The following NSDHL variants were observed in gnomAD, a reference collection of about 807,000 sequenced individuals.
NSDHL encodes NAD(P) dependent 3-beta-hydroxysteroid dehydrogenase NSDHL.
Under a neutral mutation model 23.0 loss-of-function variants are expected in NSDHL, and 1 was observed. That is an observed-to-expected ratio of 0.04 (90% CI 0.02 to 0.21). The LOEUF (loss-of-function observed/expected upper bound fraction) is 0.21, where lower values mean the gene tolerates loss of function less well. NSDHL is among the 10% of genes least tolerant of loss of function. The pLI is 1.00. For missense variants in NSDHL, 237 were observed against 300.9 expected, an observed-to-expected ratio of 0.79 and a Z score of 1.57; for synonymous variants, 128 against 121.1, an observed-to-expected ratio of 1.06 and a Z score of -0.37.
At chrX:152,832,497 G>T (rs1294305583) in intron 1 of NSDHL, among the ~76,000 whole-genome samples, 1 of 111,545 alleles carries the variant, frequency 9.0e-6, no homozygotes, top group Non-Finnish European at 1.9e-5. Flanking sequence ...GTTAATCTTC[G>T]TAGTGAACGG....
intron 4 of NSDHL, among the ~76,000 whole-genome samples, chrX:152,859,473 T>C (rs2125013142): frequency 8.9e-6 from 1 of 112,346 alleles, no homozygotes; most frequent in South Asian, 3.7e-4. Flanking sequence ...AGTGGACTCA[T>C]GTAGTATTTC....
chrX:152,868,164 G>A (rs1320138933), intron 7 of NSDHL, among the ~76,000 whole-genome samples: 1 of 101,877 alleles, frequency 9.8e-6, no homozygotes, highest in Admixed American at 1.1e-4. Context: ...TTTTGAGACA[G>A]TCTCACTCTG....
chrX:152,835,169 GA>G (rs1297491846), intron 1 of NSDHL, among the ~76,000 whole-genome samples: 1 of 111,118 alleles, frequency 9.0e-6, no homozygotes, highest in African/African-American at 3.3e-5. Flanking sequence ...GTGTTTCTTA[GA>G]AAAAATACAG....
At chrX:152,864,779 C>T (rs1355033890) in intron 5 of NSDHL, among the ~76,000 whole-genome samples, 1 of 111,926 alleles carries the variant, frequency 8.9e-6, no homozygotes, top group Non-Finnish European at 1.9e-5. Flanking sequence ...TTTCCTCCAT[C>T]GCTGTGGGGA....
rs1371665734 is a variant in NSDHL at position 152,850,547 on chromosome X, A to G, written c.267+124A>G. On this transcript the variant is annotated intron_variant, in intron 3 of 7. Coordinates refer to ENST00000370274, the MANE Select transcript of NSDHL (RefSeq NM_015922.3). Reference sequence around the variant, plus strand: ...ATTGTTTCATTGTGAAAATTTTCAAAGTTATAGGAAAGAACACCACATTCT... The same window carrying G: ...ATTGTTTCATTGTGAAAATTTTCAAGGTTATAGGAAAGAACACCACATTCT... 1.4e-5 allele frequency: 10 copies of G among 695,243 alleles called. No homozygotes were observed. In the South Asian group the frequency reaches 2.2e-4, roughly 15 times the overall value. 57.3% of individuals were successfully genotyped at this position (695,243 alleles called of 1,213,427 possible). A position where few individuals can be genotyped will look rare whatever the true frequency, so the allele number is the denominator to read the frequency against.
chrX:152,846,661 T>C (rs1165798679), intron 2 of NSDHL, among the ~76,000 whole-genome samples: 1 of 112,482 alleles, frequency 8.9e-6, no homozygotes, highest in Non-Finnish European at 1.9e-5. Context: ...TGAGCCCAGC[T>C]GGGGTGTTCT....
At chrX:152,841,988 T>C (rs113409642) in intron 1 of NSDHL, among the ~76,000 whole-genome samples, 3,053 of 112,428 alleles carry the variant, frequency 0.027, 97 homozygotes, top group African/African-American at 0.093. Context: ...GTCTAGCTTA[T>C]TTCACTGACC....
chrX:152,854,363 T>C (rs1933406754), intron 3 of NSDHL, among the ~76,000 whole-genome samples: 1 of 112,178 alleles, frequency 8.9e-6, no homozygotes, highest in Non-Finnish European at 1.9e-5. Flanking sequence ...CGATGTGATG[T>C]GGGTGAAAGA....
chrX:152,847,867 C>CT (rs1165079425), intron 2 of NSDHL, among the ~76,000 whole-genome samples: 2,716 of 100,918 alleles, frequency 0.027, 88 homozygotes, highest in African/African-American at 0.088. Flanking sequence ...GGTTTTTTTT[C>CT]TTTTTTTTTT....
At chrX:152,858,526 C>T (rs1333946642) in intron 3 of NSDHL, among the ~76,000 whole-genome samples, 1 of 112,041 alleles carries the variant, frequency 8.9e-6, no homozygotes, top group African/African-American at 3.2e-5. Flanking sequence ...CCACAGGCTT[C>T]TCATGCCCCA....
chrX:152,840,343 T>C (rs1427069670), intron 1 of NSDHL, among the ~76,000 whole-genome samples: 3 of 112,525 alleles, frequency 2.7e-5, no homozygotes, highest in Non-Finnish European at 5.6e-5. Flanking sequence ...CTTTGTTCTG[T>C]TGCTGGCGAG....
In NSDHL at chrX:152,833,777, G is replaced by A. The variant is rs1556843690; in HGVS notation, c.-44+2660G>A. On this transcript the variant is annotated intron_variant, in intron 1 of 7. Coordinates refer to ENST00000370274, the MANE Select transcript of NSDHL (RefSeq NM_015922.3). Reference sequence around the variant, plus strand: ...GGCTTGCCCTCATCAGAGTGGAAACGCACTTCTGTGACTCTTTGCTTGCTC... The same window carrying A: ...GGCTTGCCCTCATCAGAGTGGAAACACACTTCTGTGACTCTTTGCTTGCTC... Among the ~76,000 whole-genome samples, 3 of 112,233 alleles carry A rather than the reference G, an allele frequency of 2.7e-5. 1 individual carries two copies. The highest frequency in any genetic ancestry group is 9.7e-5 in the African/African-American group (3 of 30,836).
At chrX:152,850,639 G>A (rs1478146602) in intron 3 of NSDHL, among the ~76,000 whole-genome samples, 3 of 112,559 alleles carry the variant, frequency 2.7e-5, no homozygotes, top group Non-Finnish European at 5.6e-5. Flanking sequence ...TAGCACAAAA[G>A]CAGCCATGGT....
At chrX:152,843,657 G>C (rs1556845165) in intron 1 of NSDHL, among the ~76,000 whole-genome samples, 1 of 112,065 alleles carries the variant, frequency 8.9e-6, no homozygotes, top group Non-Finnish European at 1.9e-5. Flanking sequence ...GACCTCTATT[G>C]GCCCATTCTT....
intron 2 of NSDHL, among the ~76,000 whole-genome samples, chrX:152,849,250 T>C (rs1217963791): frequency 8.9e-6 from 1 of 112,345 alleles, no homozygotes; most frequent in Non-Finnish European, 1.9e-5. Flanking sequence ...ATCTAGAACA[T>C]AATTTCTTTA....
intron 1 of NSDHL, among the ~76,000 whole-genome samples, chrX:152,840,555 C>A (rs1321938994): frequency 1.8e-5 from 2 of 112,439 alleles, no homozygotes; most frequent in East Asian, 5.6e-4. Flanking sequence ...TTCTAACAGT[C>A]AGGTCACTCA....
chrX:152,847,679 T>G (rs1556845773), intron 2 of NSDHL, among the ~76,000 whole-genome samples: 1 of 111,700 alleles, frequency 9.0e-6, no homozygotes, highest in East Asian at 2.8e-4. Context: ...AAATTTAGAC[T>G]ACTAAAACAA....
chrX:152,869,278 C>T lies in NSDHL; in HGVS notation c.*162C>T. The T allele has an allele frequency of 4.0e-6, 2 of 496,617 alleles. No individual in the cohort carries two copies. The highest frequency in any genetic ancestry group is 2.7e-5 in the South Asian group (1 of 37,014). The allele number at this position is 496,617 out of a possible 1,213,427, so 40.9% of individuals were successfully genotyped here. A position where few individuals can be genotyped will look rare whatever the true frequency, so the allele number is the denominator to read the frequency against. On this transcript the variant is annotated 3_prime_UTR_variant, in exon 8 of 8. Coordinates refer to ENST00000370274, the MANE Select transcript of NSDHL (RefSeq NM_015922.3). ...ACTCTTTCCGTGACGATGAGGGCGG[C>T]AAAAACAGACATTTCTTCCTTCATG...
chrX:152,836,361 T>A (rs887078418), intron 1 of NSDHL, among the ~76,000 whole-genome samples: 2 of 112,274 alleles, frequency 1.8e-5, no homozygotes, highest in African/African-American at 6.5e-5. Flanking sequence ...GGTGTTTTAG[T>A]CATGAAGTCC....
Sources: gnomAD v4.1 joint callset for allele counts (sites outside exome capture counted in the v4.1 genomes callset) on GRCh38, gnomAD v4.1.1 for gene constraint, MANE v1.5 for transcripts, NCBI Gene and HGNC (gene_info 2026-07-23, HGNC 2026-07-21) for gene names.